RAP1GAP: variants seen among roughly 807,000 people sequenced by gnomAD.
RAP1GAP encodes the protein rap1 GTPase-activating protein 1.
Under a neutral mutation model 87.2 loss-of-function variants are expected in RAP1GAP, and 35 were observed. The observed-to-expected ratio is 0.40, with a 90% CI of 0.31 to 0.53. The LOEUF (loss-of-function observed/expected upper bound fraction) is 0.53, where lower values mean the gene tolerates loss of function less well. Among genes scored for constraint, RAP1GAP ranks in the 20% least tolerant of loss-of-function variants. The pLI, the probability that RAP1GAP is intolerant of heterozygous loss-of-function variation, is 0.48. For synonymous variants in RAP1GAP, 375 were observed against 363.9 expected, an observed-to-expected ratio of 1.03 and a Z score of -0.35; for missense variants, 734 against 898.9, an observed-to-expected ratio of 0.82 and a Z score of 2.35.
chr1:21,603,934 GGGCAGAGAGAGAGA>G lies in RAP1GAP; in HGVS notation c.1429-1035_1429-1022del. 6.7e-7 allele frequency: 1 copy of G among 1,500,500 alleles called. No individual in the cohort carries two copies. The highest frequency in any genetic ancestry group is 9.0e-7 in the Non-Finnish European group (1 of 1,111,674). The allele number at this position is 1,500,500 out of a possible 1,614,324, so 92.9% of individuals were successfully genotyped here. On this transcript the variant is annotated intron_variant, in intron 18 of 24. Transcript: ENST00000374765. The surrounding 1 kb of genome is among the most constrained non-coding windows in gnomAD (Gnocchi z 6.0). ...ATGACTGGCAAGCAGCAGAGGGCGGGGGCAGAGAGAGAGAGACAGAGAGAGAGTCAGAGAGCAAG... is the reference window on the plus strand; with the variant it reads ...ATGACTGGCAAGCAGCAGAGGGCGGGGACAGAGAGAGAGTCAGAGAGCAAG...
In RAP1GAP at chr1:21,609,032, G is replaced by T; in HGVS notation, c.1072-96C>A. Reference sequence around the variant, plus strand: ...CAACGAGGCAGAGGCTGCAGCTCCTGAACCATGCTCTGCTGGGGCCTGGGG... The same window carrying T: ...CAACGAGGCAGAGGCTGCAGCTCCTTAACCATGCTCTGCTGGGGCCTGGGG... On this transcript the variant is annotated intron_variant, in intron 15 of 24. Coordinates refer to ENST00000374765, the MANE Select transcript of RAP1GAP (RefSeq NM_002885.4). The surrounding 1 kb of genome is among the most constrained non-coding windows in gnomAD (Gnocchi z 4.4). 1 of 1,051,190 alleles carries T rather than the reference G, an allele frequency of 9.5e-7. No homozygotes were observed. Among genetic ancestry groups the T allele is most frequent in the Non-Finnish European group, 1.5e-6 (1 of 675,464 alleles). 65.1% of individuals were successfully genotyped at this position (1,051,190 alleles called of 1,614,324 possible).
rs774128171 is a variant in RAP1GAP, at chr1:21,649,679, C to T, written c.-113+82G>A. The T allele has an allele frequency of 8.3e-6, 12 of 1,454,544 alleles. No individual in the cohort carries two copies. In the South Asian group the frequency reaches 9.8e-5, roughly 12 times the overall value. 90.1% of individuals were successfully genotyped at this position (1,454,544 alleles called of 1,614,324 possible). A position where few individuals can be genotyped will look rare whatever the true frequency, so the allele number is the denominator to read the frequency against. ...AGCTTGGTAAGGTCTGGCCTGGCAT[C>T]GCAGGGGTAGGAATGGATTGGGGGT... On this transcript the variant is annotated intron_variant, in intron 2 of 24. Transcript: ENST00000374765.
At chr1:21,652,584 GC>G (rs1303319565) in intron 1 of RAP1GAP, among the ~76,000 whole-genome samples, 1 of 151,976 alleles carries the variant, frequency 6.6e-6, no homozygotes, top group Non-Finnish European at 1.5e-5. Context: ...GAGTGGAGAC[GC>G]CCCCCTCCAC....
Position 21,651,589 on chromosome 1 carries a change from CAG to C in RAP1GAP, c.-148-1795_-148-1794del, listed in dbSNP as rs775117571. 21 of 699,766 alleles carry C rather than the reference CAG, an allele frequency of 3.0e-5. 1 individual carries two copies. Among genetic ancestry groups the C allele is most frequent in the South Asian group, 2.9e-4 (21 of 72,090 alleles). The allele number at this position is 699,766 out of a possible 1,614,324, so 43.3% of individuals were successfully genotyped here. A position where few individuals can be genotyped will look rare whatever the true frequency, so the allele number is the denominator to read the frequency against. On this transcript the variant is annotated intron_variant, in intron 1 of 24. Transcript: ENST00000374765. ...ATGGGAACACACACAGACACAGAAACAGAAACACACACACACAGGCGCCACAG... is the reference window on the plus strand; with the variant it reads ...ATGGGAACACACACAGACACAGAAACAAACACACACACACAGGCGCCACAG...
chr1:21,660,339 C>CTATATATA lies in RAP1GAP; in HGVS notation c.-149+8907_-149+8914dup, dbSNP rs1553503813. Among the ~76,000 whole-genome samples the CTATATATA allele has an allele frequency of 3.4e-4, 18 of 52,858 alleles. 3 individuals are homozygous for CTATATATA. The highest frequency in any genetic ancestry group is 9.4e-4 in the African/African-American group (17 of 18,134). 34.7% of individuals were successfully genotyped at this position (52,858 alleles called of 152,430 possible). ...CTGGACAGAGTGGGTTCCAACTCAG[C>CTATATATA]TATATATATTTATTGAGACAGTCTC... On this transcript the variant is annotated intron_variant, in intron 1 of 24. Transcript: ENST00000374765.
chr1:21,629,897 T>C (rs1246851285), intron 2 of RAP1GAP, among the ~76,000 whole-genome samples: 7 of 152,154 alleles, frequency 4.6e-5, no homozygotes, highest in Non-Finnish European at 7.4e-5. Context: ...GATCTGAACT[T>C]TATAACATGT....
At chr1:21,623,402 G>A (rs2090088183) in intron 3 of RAP1GAP, among the ~76,000 whole-genome samples, 1 of 152,244 alleles carries the variant, frequency 6.6e-6, no homozygotes, top group Non-Finnish European at 1.5e-5. Flanking sequence ...ACAGGGACAG[G>A]GCCTTGCTAC....
intron 18 of RAP1GAP, 136 bp downstream of exon 18, chr1:21,605,930 G>T: frequency 8.5e-7 from 1 of 1,170,044 alleles, no homozygotes; most frequent in Non-Finnish European, 1.2e-6. Flanking sequence ...GTAGTGGCTA[G>T]ACCAAATCCA....
chr1:21,601,441 G>A (rs574021681), intron 20 of RAP1GAP, among the ~76,000 whole-genome samples: 3 of 152,352 alleles, frequency 2.0e-5, no homozygotes, highest in Admixed American at 6.5e-5. Flanking sequence ...ATGGACCTGC[G>A]GCCGTGAGGC....
chr1:21,660,270 C>T (rs2097067541), intron 1 of RAP1GAP, among the ~76,000 whole-genome samples: 1 of 146,080 alleles, frequency 6.8e-6, no homozygotes, highest in South Asian at 2.2e-4. Context: ...GGATACAGAG[C>T]AGGGCAGTGT....
chr1:21,655,494 C>T (rs2096825076), intron 1 of RAP1GAP, among the ~76,000 whole-genome samples: 1 of 152,230 alleles, frequency 6.6e-6, no homozygotes, highest in South Asian at 2.1e-4. Context: ...ACACTGGCCT[C>T]ACTGGCCCAC....
At chr1:21,620,644 C>T (rs1238768156) in intron 3 of RAP1GAP, among the ~76,000 whole-genome samples, 2 of 152,256 alleles carry the variant, frequency 1.3e-5, no homozygotes, top group Admixed American at 6.5e-5. Flanking sequence ...CTGCCAGCTG[C>T]GCTTGGCAGC....
intron 3 of RAP1GAP, among the ~76,000 whole-genome samples, chr1:21,621,832 G>A (rs1055218230): frequency 6.6e-6 from 1 of 152,176 alleles, no homozygotes; most frequent in African/African-American, 2.4e-5. Flanking sequence ...AATACACCTT[G>A]TTGCATTGGG....
chr1:21,614,211 T>G (rs2080409938), intron 7 of RAP1GAP, 122 bp from the exon 8 acceptor site: 2 of 646,614 alleles, frequency 3.1e-6, no homozygotes, highest in Non-Finnish European at 2.7e-6. Flanking sequence ...GTGTCACGGC[T>G]GATAGCAGAC....
intron 23 of RAP1GAP, 51 bp downstream of exon 23, chr1:21,597,910 C>T: frequency 6.5e-7 from 1 of 1,527,030 alleles, no homozygotes; most frequent in Non-Finnish European, 8.9e-7. Context: ...GCCAGCTCAT[C>T]CCCTCCCGGG....
chr1:21,627,435 A>G (rs2092589439), intron 2 of RAP1GAP, among the ~76,000 whole-genome samples: 2 of 123,336 alleles, frequency 1.6e-5, no homozygotes, highest in South Asian at 5.1e-4. Flanking sequence ...TTTTTTTATG[A>G]CAGAGTTTCG....
chr1:21,606,389 G>C (rs568081853), intron 17 of RAP1GAP, among the ~76,000 whole-genome samples, 192 bp from the exon 18 acceptor site: 1 of 152,220 alleles, frequency 6.6e-6, no homozygotes. Flanking sequence ...TTCCCTGTGC[G>C]TCACATGAGA....
intron 2 of RAP1GAP, among the ~76,000 whole-genome samples, chr1:21,639,002 G>A (rs1186791123): frequency 6.6e-6 from 1 of 152,264 alleles, no homozygotes; most frequent in Non-Finnish European, 1.5e-5. Context: ...CCGAGGGTCA[G>A]GGAAGAGCAG....
Position 21,613,922 on chromosome 1 carries a change from T to C in RAP1GAP, c.395+64A>G. The C allele has an allele frequency of 7.3e-7, 1 of 1,372,568 alleles. No homozygotes were observed. The highest frequency in any genetic ancestry group is 1.0e-6 in the Non-Finnish European group (1 of 985,246). 85.0% of individuals were successfully genotyped at this position (1,372,568 alleles called of 1,614,324 possible). A position where few individuals can be genotyped will look rare whatever the true frequency, so the allele number is the denominator to read the frequency against. The stretch of plus-strand genomic sequence containing the variant: ...GATGAAGAGAGTGGGTCAAATGAGA[T>C]GGGCTCTGAGATTGTAAGACCTCAG... On this transcript the variant is annotated intron_variant, in intron 8 of 24. Transcript: ENST00000374765. The surrounding 1 kb of genome is among the most constrained non-coding windows in gnomAD (Gnocchi z 4.7).
Sources: allele counts gnomAD v4.1 joint callset (sites outside exome capture counted in the v4.1 genomes callset), GRCh38; gene constraint gnomAD v4.1.1; non-coding constraint Gnocchi (gnomAD v3.1); transcripts MANE v1.5; gene names NCBI Gene and HGNC (gene_info 2026-07-23, HGNC 2026-07-21).